Variants in MTUS1 observed in about 807,000 individuals in gnomAD.
MTUS1 encodes microtubule associated scaffold protein 1, also known as microtubule-associated tumor suppressor 1.
MTUS1 carries 109 observed loss-of-function variants against 120.8 expected under a neutral mutation model. That is an observed-to-expected ratio of 0.90 (90% CI 0.77 to 1.06). The LOEUF (loss-of-function observed/expected upper bound fraction) is 1.06. Ranked by LOEUF, MTUS1 falls within the 50% of genes least tolerant of loss-of-function variation. The probability of loss-of-function intolerance (pLI) is 0.00; values close to 1 mark genes in which losing one functional copy is unlikely to be tolerated. For synonymous variants in MTUS1, 737 were observed against 550.5 expected (o/e 1.34, Z -4.74); for missense variants, 2,210 against 1,486.3 (o/e 1.49, Z -8.01).
intron 1 of MTUS1, among the ~76,000 whole-genome samples, chr8:17,760,653 T>C (rs1348356927): frequency 6.6e-6 from 1 of 152,190 alleles, no homozygotes; most frequent in Non-Finnish European, 1.5e-5. Context: ...GACATATATA[T>C]TCTTTGCCTT....
chr8:17,696,928 T>A (rs1399577756), intron 6 of MTUS1, among the ~76,000 whole-genome samples: 1 of 152,234 alleles, frequency 6.6e-6, no homozygotes, highest in Non-Finnish European at 1.5e-5. Context: ...ACCTGTGTCC[T>A]ATTTCCCAAA....
chr8:17,655,432 A>G (rs1207873131), intron 9 of MTUS1, among the ~76,000 whole-genome samples: 1 of 152,190 alleles, frequency 6.6e-6, no homozygotes, highest in African/African-American at 2.4e-5. Flanking sequence ...TCTTTCACTT[A>G]ACATAATACA....
At chr8:17,717,769 G>C (rs551510611) in intron 4 of MTUS1, among the ~76,000 whole-genome samples, 1 of 152,028 alleles carries the variant, frequency 6.6e-6, no homozygotes, top group Admixed American at 6.6e-5. Flanking sequence ...CAAAATAGGA[G>C]GTGGTGTGCT....
At chr8:17,769,399 G>C (rs1169914163) in intron 1 of MTUS1, among the ~76,000 whole-genome samples, 1 of 146,888 alleles carries the variant, frequency 6.8e-6, no homozygotes, top group African/African-American at 2.5e-5. Flanking sequence ...CCAGGCTGGA[G>C]TGCAGTGGCG....
chr8:17,761,178 G>C (rs1428757891), intron 1 of MTUS1, among the ~76,000 whole-genome samples: 1 of 152,020 alleles, frequency 6.6e-6, no homozygotes, highest in Admixed American at 6.6e-5. Flanking sequence ...TGAAAGAAAT[G>C]GTCAAAGAAC....
chr8:17,697,983 A>T (rs553536096), intron 6 of MTUS1, among the ~76,000 whole-genome samples: 26 of 152,070 alleles, frequency 1.7e-4, no homozygotes, highest in South Asian at 8.3e-4. Flanking sequence ...ATTTTGGAAA[A>T]GTTTTTTTTT....
At chr8:17,708,162 G>A (rs575177647) in intron 6 of MTUS1, among the ~76,000 whole-genome samples, 1 of 152,314 alleles carries the variant, frequency 6.6e-6, no homozygotes, top group South Asian at 2.1e-4. Context: ...TATCAAGAAA[G>A]TGAAAACACA....
intron 1 of MTUS1, among the ~76,000 whole-genome samples, chr8:17,781,311 G>A (rs761087411): frequency 6.6e-6 from 1 of 152,134 alleles, no homozygotes; most frequent in Non-Finnish European, 1.5e-5. Flanking sequence ...CATACAATTT[G>A]TACCACATTG....
chr8:17,755,858 T>C lies in MTUS1; in HGVS notation c.-51A>G. The C allele has an allele frequency of 6.4e-7, 1 of 1,553,640 alleles. No homozygotes were observed. Among genetic ancestry groups the C allele is most frequent in the Non-Finnish European group, 8.7e-7 (1 of 1,154,444 alleles). On this transcript the variant is annotated 5_prime_UTR_variant, in exon 2 of 15. Coordinates refer to ENST00000693296, the MANE Select transcript of MTUS1 (RefSeq NM_001363059.2). ...CCATTTTATTTCTTCTTCAATTCCT[T>C]TTAAATGAGAGGGTGGGCAAAATGG...
chr8:17,747,094 G>T (rs1207161617), intron 2 of MTUS1, among the ~76,000 whole-genome samples: 2 of 152,236 alleles, frequency 1.3e-5, no homozygotes, highest in South Asian at 4.1e-4. Context: ...CTCGAATAGG[G>T]TTAGACACCT....
intron 12 of MTUS1, among the ~76,000 whole-genome samples, chr8:17,650,514 G>A (rs1486169044): frequency 6.6e-6 from 1 of 152,056 alleles, no homozygotes; most frequent in Admixed American, 6.6e-5. Context: ...GTACCTACAC[G>A]GCATGGAGTA....
At chr8:17,701,122 G>A (rs1186471260) in intron 6 of MTUS1, among the ~76,000 whole-genome samples, 2 of 152,154 alleles carry the variant, frequency 1.3e-5, no homozygotes. Context: ...GACTTGTGTG[G>A]AGATTCAAGC....
chr8:17,653,822 T>G (rs1807594264), intron 10 of MTUS1: 1 of 233,506 alleles, frequency 4.3e-6, no homozygotes, highest in Non-Finnish European at 8.1e-6. Flanking sequence ...ACTCCTGGTC[T>G]GGAAACCCTG....
At position 17,676,629 on chromosome 8, in the gene MTUS1, G is replaced by C. The variant is rs1240212935; in HGVS notation, c.2839-1377C>G. On this transcript the variant is annotated intron_variant, in intron 7 of 14. Transcript: ENST00000693296. ...CATTAGACTGATCGATTGCCATTTA[G>C]TTAAATATCAGCTGCAACGGAGGAA... 4.2e-5 allele frequency: 16 copies of C among 384,808 alleles called. No individual in the cohort carries two copies. The South Asian group carries it at 9.5e-4, about 23-fold the overall frequency. The allele number at this position is 384,808 out of a possible 1,614,324, so 23.8% of individuals were successfully genotyped here. A position where few individuals can be genotyped will look rare whatever the true frequency, so the allele number is the denominator to read the frequency against.
intron 4 of MTUS1, 68 bp downstream of exon 4, chr8:17,723,604 C>G: frequency 6.7e-7 from 1 of 1,487,838 alleles, no homozygotes; most frequent in South Asian, 1.1e-5. Context: ...TAATTATTTG[C>G]AGAGCATTAG....
intron 4 of MTUS1, among the ~76,000 whole-genome samples, chr8:17,718,456 T>G (rs909349127): frequency 6.6e-6 from 1 of 152,130 alleles, no homozygotes; most frequent in Non-Finnish European, 1.5e-5. Flanking sequence ...GGTATGGGAA[T>G]AGACAGTGCA....
At chr8:17,698,453 G>A (rs1396865405) in intron 6 of MTUS1, among the ~76,000 whole-genome samples, 1 of 152,134 alleles carries the variant, frequency 6.6e-6, no homozygotes, top group African/African-American at 2.4e-5. Context: ...GCCCACTTAA[G>A]CTAATTCCAT....
chr8:17,764,651 G>A (rs2049321117), intron 1 of MTUS1, among the ~76,000 whole-genome samples: 1 of 152,200 alleles, frequency 6.6e-6, no homozygotes, highest in Non-Finnish European at 1.5e-5. Flanking sequence ...TGCGGTCTGT[G>A]CTGCATTTAT....
At chr8:17,653,315 C>A (rs1178396624) in intron 11 of MTUS1, 34 bp from the exon 12 acceptor site, 4 of 1,490,608 alleles carry the variant, frequency 2.7e-6, no homozygotes, top group South Asian at 1.3e-5. Flanking sequence ...CTTAAGTTAA[C>A]AAGAAAACCC....
Sources: gnomAD v4.1 joint callset for allele counts (sites outside exome capture counted in the v4.1 genomes callset) on GRCh38, gnomAD v4.1.1 for gene constraint, MANE v1.5 for transcripts, NCBI Gene and HGNC (gene_info 2026-07-23, HGNC 2026-07-21) for gene names.